FKBP2: variants seen among roughly 807,000 people sequenced by gnomAD.
FKBP2 encodes FKBP prolyl isomerase 2.
Under a neutral mutation model 19.4 loss-of-function variants are expected in FKBP2, and 15 were observed. The ratio of observed to expected loss-of-function variants is 0.77; its 90% confidence interval spans 0.52 to 1.19. The LOEUF (loss-of-function observed/expected upper bound fraction) is 1.19, where lower values mean the gene tolerates loss of function less well. Among genes scored for constraint, FKBP2 ranks in the 50% most tolerant of loss-of-function variants. The pLI, the probability that FKBP2 is intolerant of heterozygous loss-of-function variation, is 0.00. For synonymous variants in FKBP2, 76 were observed against 74.8 expected, an observed-to-expected ratio of 1.02 and a Z score of -0.08; for missense variants, 170 against 179.0, an observed-to-expected ratio of 0.95 and a Z score of 0.29.
At chr11:64,242,642 C>A in intron 2 of FKBP2, 84 bp downstream of exon 2, 2 of 1,420,742 alleles carry the variant, frequency 1.4e-6, no homozygotes, top group Non-Finnish European at 9.4e-7. Flanking sequence ...CTCCATAAGC[C>A]AGGTAGGTGA....
intron 4 of FKBP2, 172 bp downstream of exon 4, chr11:64,243,669 C>A: frequency 8.7e-7 from 1 of 1,150,408 alleles, no homozygotes; most frequent in Non-Finnish European, 1.3e-6. Flanking sequence ...TTGAAGCACT[C>A]AGCTGTAGTG....
chr11:64,243,686 C>T, intron 4 of FKBP2, 155 bp from the exon 5 acceptor site: 2 of 1,210,086 alleles, frequency 1.7e-6, no homozygotes, highest in Non-Finnish European at 2.4e-6. Context: ...AGTGGCCCCA[C>T]TCTGCCCTTG....
Position 64,243,232 on chromosome 11 carries a change from A to G in FKBP2, c.205A>G (p.Ser69Gly). 1 of 1,613,730 alleles carries G rather than the reference A, an allele frequency of 6.2e-7. No individual in the cohort carries two copies. Among genetic ancestry groups the G allele is most frequent in the Non-Finnish European group, 8.5e-7 (1 of 1,179,950 alleles). The change falls in exon 3 of 6, where the codon AGC (serine) becomes GGC (glycine). Residue 69 changes from serine (S) to glycine (G), a missense_variant. Transcript: ENST00000309366. ...GGAAGATGGGACAGAGTTTGACAGC[A>G]GCCTGCCCCAGAACCAGCCCTTTGT... Reference protein sequence around the residue: ...KLEDGTEFDSSLPQNQPFVFS... With the variant: ...KLEDGTEFDSGLPQNQPFVFS...
At chr11:64,241,906 C>T (rs1237076278) in intron 1 of FKBP2, 6 of 153,866 alleles carry the variant, frequency 3.9e-5, no homozygotes, top group Non-Finnish European at 8.7e-5. Flanking sequence ...CGGAGCCACC[C>T]AGTGGGGATG....
At chr11:64,242,119 T>G (rs938337502) in intron 1 of FKBP2, 7 of 401,466 alleles carry the variant, frequency 1.7e-5, no homozygotes, top group South Asian at 1.2e-4. Flanking sequence ...GGTATGGGGG[T>G]GAGCAAAGGG....
chr11:64,241,677 G>T (rs1295776772), intron 1 of FKBP2: 1 of 152,346 alleles, frequency 6.6e-6, no homozygotes, highest in Non-Finnish European at 1.5e-5. Context: ...GGCCCCGGGC[G>T]TCCTCGCGGG....
intron 1 of FKBP2, 102 bp from the exon 2 acceptor site, chr11:64,242,282 G>A: frequency 8.4e-7 from 1 of 1,196,270 alleles, no homozygotes; most frequent in Non-Finnish European, 1.1e-6. Flanking sequence ...CCGGGGCAAG[G>A]AAGATACAGT....
intron 1 of FKBP2, 49 bp from the exon 2 acceptor site, chr11:64,242,335 C>A (rs2030564432): frequency 1.4e-6 from 2 of 1,462,094 alleles, no homozygotes; most frequent in Non-Finnish European, 1.8e-6. Context: ...TCCATACTCT[C>A]CCTGCCCTCC....
rs181364026 is a variant in FKBP2, at chr11:64,243,962, C to A, written c.368-6C>A. 3.7e-6 allele frequency: 6 copies of A among 1,614,126 alleles called. No individual in the cohort carries two copies. The African/African-American group carries it at 8.0e-5, about 22-fold the overall frequency. On this transcript the variant is annotated splice_region_variant and splice_polypyrimidine_tract_variant and intron_variant, in intron 5 of 5. Coordinates refer to ENST00000309366, the MANE Select transcript of FKBP2 (RefSeq NM_004470.4). Reference sequence around the variant, plus strand: ...TTGGCATTTTGACTCCCCTTCTCCCCTACAGGTGGTGCAACCCTGGTGTTC... The same window carrying A: ...TTGGCATTTTGACTCCCCTTCTCCCATACAGGTGGTGCAACCCTGGTGTTC...
chr11:64,243,109 T>C, intron 2 of FKBP2, 90 bp from the exon 3 acceptor site: 1 of 1,100,818 alleles, frequency 9.1e-7, no homozygotes, highest in Non-Finnish European at 1.3e-6. Context: ...TGGGTGGGCG[T>C]GGGGGGGCAG....
In FKBP2 at chr11:64,242,463, G is replaced by C. The variant is rs750978129; in HGVS notation, c.76G>C (p.Glu26Gln). ...LSAVATATGA[E>Q]GKRKLQIGVK... is the part of the protein sequence containing the mutation. ...CGCCGTGGCCACGGCCACGGGGGCCGAGGGCAAAAGGAAGCTGCAGATCGG... is the reference window on the plus strand; with the variant it reads ...CGCCGTGGCCACGGCCACGGGGGCCCAGGGCAAAAGGAAGCTGCAGATCGG... Residue 26 changes from glutamate to glutamine, a missense_variant, in exon 2 of 6, where the codon GAG becomes CAG. By Grantham distance (29) the Glu-to-Gln change is conservative. Transcript: ENST00000309366. The C allele has an allele frequency of 7.7e-6, 12 of 1,548,794 alleles. No individual in the cohort carries two copies. The Admixed American group carries it at 2.3e-4, about 29-fold the overall frequency.
At chr11:64,243,367 A>C (rs1394903876) in intron 3 of FKBP2, 56 bp downstream of exon 3, 2 of 1,603,634 alleles carry the variant, frequency 1.2e-6, no homozygotes, top group Admixed American at 3.4e-5. Context: ...ACCGCCCAGG[A>C]GGTAAGCTGT....
chr11:64,242,644 G>C, intron 2 of FKBP2, 86 bp downstream of exon 2: 3 of 1,417,174 alleles, frequency 2.1e-6, no homozygotes, highest in Non-Finnish European at 1.9e-6. Flanking sequence ...CCATAAGCCA[G>C]GTAGGTGACC....
intron 1 of FKBP2, 82 bp from the exon 2 acceptor site, chr11:64,242,302 A>ACCCT (rs1565321314): frequency 7.6e-7 from 1 of 1,318,816 alleles, no homozygotes; most frequent in African/African-American, 1.5e-5. Context: ...TGGCGGTGGA[A>ACCCT]CCCTCCTGTT....
At position 64,241,329 on chromosome 11, in the gene FKBP2, T is replaced by A. The variant is rs2030469598; in HGVS notation, c.-5+197T>A. 2.1e-5 allele frequency: 3 copies of A among 144,702 alleles called. No homozygotes were observed. In the South Asian group the frequency reaches 6.8e-4, roughly 33 times the overall value. The allele number at this position is 144,702 out of a possible 1,614,324, so 9.0% of individuals were successfully genotyped here. ...GCCGCACGGGGCGGAGTCCTGGGAC[T>A]CGGGGCGGGACGTGGAACCGGGACG... On this transcript the variant is annotated intron_variant, in intron 1 of 5. Coordinates refer to ENST00000309366, the MANE Select transcript of FKBP2 (RefSeq NM_004470.4).
Position 64,244,091 on chromosome 11 carries a change from AAC to A in FKBP2, c.*64_*65del. ...AGGGACCAGACTGTTCCAAAAAAAA[AAC>A]AAAAAACAAAAACAAACAAAAAAAC... On this transcript the variant is annotated 3_prime_UTR_variant, in exon 6 of 6. Coordinates refer to ENST00000309366, the MANE Select transcript of FKBP2 (RefSeq NM_004470.4). 1 of 1,560,200 alleles carries A rather than the reference AAC, an allele frequency of 6.4e-7. No homozygotes were observed. The highest frequency in any genetic ancestry group is 8.7e-7 in the Non-Finnish European group (1 of 1,143,350).
chr11:64,242,672 C>T (rs1238240174), intron 2 of FKBP2, 114 bp downstream of exon 2: 13 of 1,141,488 alleles, frequency 1.1e-5, no homozygotes, highest in East Asian at 2.9e-5. Flanking sequence ...AGTCCCCTCT[C>T]GCCTCTAAGC....
rs772125783 is a variant in FKBP2 at position 64,243,245 on chromosome 11, A to G, written c.218A>G (p.Asn73Ser). 1.9e-6 allele frequency: 3 copies of G among 1,613,504 alleles called. No homozygotes were observed. Among genetic ancestry groups the G allele is most frequent in the Non-Finnish European group, 1.7e-6 (2 of 1,179,820 alleles). Residue 73 changes from asparagine (N) to serine (S), a missense_variant, in exon 3 of 6, where the codon AAC becomes AGC. Physicochemically the swap from Asn to Ser is conservative, Grantham distance 46 (BLOSUM62 1). Coordinates refer to ENST00000309366, the MANE Select transcript of FKBP2 (RefSeq NM_004470.4). ...GTEFDSSLPQ[N>S]QPFVFSLGTG... ...GAGTTTGACAGCAGCCTGCCCCAGA[A>G]CCAGCCCTTTGTCTTCTCCCTTGGC...
At position 64,243,736 on chromosome 11, in the gene FKBP2, C is replaced by T. The variant is rs2030711001; in HGVS notation, c.332-105C>T. The T allele has an allele frequency of 6.0e-6, 9 of 1,490,844 alleles. No homozygotes were observed. The Admixed American group carries it at 1.5e-4, about 25-fold the overall frequency. 92.4% of individuals were successfully genotyped at this position (1,490,844 alleles called of 1,614,324 possible). On this transcript the variant is annotated intron_variant, in intron 4 of 5. Transcript: ENST00000309366. ...CCCCCTTCCCATCTCCATTACCCTTCTCCATTTCTGGCCTTCTTGCTGAGA... is the reference window on the plus strand; with the variant it reads ...CCCCCTTCCCATCTCCATTACCCTTTTCCATTTCTGGCCTTCTTGCTGAGA...
Sources: allele counts gnomAD v4.1 joint callset, GRCh38; gene constraint gnomAD v4.1.1; transcripts MANE v1.5; gene names NCBI Gene and HGNC (gene_info 2026-07-23, HGNC 2026-07-21).